Variants in PRKCA observed in about 807,000 individuals in gnomAD.
The protein encoded by PRKCA is protein kinase C alpha.
In PRKCA, 27 loss-of-function variants were observed where a neutral mutation model predicts 87.0. That is an observed-to-expected ratio of 0.31 (90% CI 0.23 to 0.43). The LOEUF is 0.43. Ranked by LOEUF, PRKCA falls within the 20% of genes least tolerant of loss-of-function variation. The pLI, the probability that PRKCA is intolerant of heterozygous loss-of-function variation, is 1.00. For synonymous variants in PRKCA, 329 were observed against 311.1 expected, an observed-to-expected ratio of 1.06 and a Z score of -0.61; for missense variants, 518 against 852.3, an observed-to-expected ratio of 0.61 and a Z score of 4.88.
intron 3 of PRKCA, among the ~76,000 whole-genome samples, chr17:66,619,066 T>TA (rs1970596554): frequency 6.6e-6 from 1 of 151,446 alleles, no homozygotes; most frequent in African/African-American, 2.4e-5. Flanking sequence ...TTATAGATTT[T>TA]AAAAAATCTC....
At chr17:66,478,082 C>T (rs1192394832) in intron 2 of PRKCA, among the ~76,000 whole-genome samples, 1 of 152,098 alleles carries the variant, frequency 6.6e-6, no homozygotes, top group African/African-American at 2.4e-5. Context: ...ATTTTGAGTG[C>T]TTCAATGTTT....
At chr17:66,437,569 T>A (rs2143856051) in intron 2 of PRKCA, among the ~76,000 whole-genome samples, 1 of 152,066 alleles carries the variant, frequency 6.6e-6, no homozygotes, top group African/African-American at 2.4e-5. Context: ...TAGGGTGTCT[T>A]TTGGTGGGAG....
At chr17:66,529,106 C>T (rs1967450915) in intron 3 of PRKCA, among the ~76,000 whole-genome samples, 1 of 152,178 alleles carries the variant, frequency 6.6e-6, no homozygotes, top group Admixed American at 6.5e-5. Flanking sequence ...CCTTAAATAT[C>T]ATCTTTGATT....
intron 2 of PRKCA, among the ~76,000 whole-genome samples, chr17:66,448,423 T>G (rs1401439190): frequency 2.0e-5 from 3 of 152,184 alleles, no homozygotes; most frequent in Admixed American, 6.5e-5. Context: ...TGCGTTAGGC[T>G]CTTCTTGAGC....
At chr17:66,616,370 T>G (rs549983711) in intron 3 of PRKCA, among the ~76,000 whole-genome samples, 1 of 152,352 alleles carries the variant, frequency 6.6e-6, no homozygotes, top group East Asian at 1.9e-4. Flanking sequence ...GGTAGCTGAA[T>G]GTCTTTGAGC....
At chr17:66,594,551 G>C (rs1334933721) in intron 3 of PRKCA, among the ~76,000 whole-genome samples, 1 of 152,120 alleles carries the variant, frequency 6.6e-6, no homozygotes, top group Non-Finnish European at 1.5e-5. Context: ...TACTCAGCGT[G>C]TTATTGCCTG....
chr17:66,741,035 C>T (rs1974148876), intron 11 of PRKCA, among the ~76,000 whole-genome samples: 1 of 152,222 alleles, frequency 6.6e-6, no homozygotes, highest in Non-Finnish European at 1.5e-5. Flanking sequence ...GCTTCTTCGA[C>T]TTCAAAGACT....
chr17:66,395,446 G>T (rs1696639541), intron 2 of PRKCA, among the ~76,000 whole-genome samples: 2 of 152,068 alleles, frequency 1.3e-5, no homozygotes, highest in Admixed American at 6.5e-5. Flanking sequence ...TCTAAATCTG[G>T]TGTGTATTTT....
At chr17:66,537,125 G>A (rs754421382) in intron 3 of PRKCA, among the ~76,000 whole-genome samples, 55 of 152,212 alleles carry the variant, frequency 3.6e-4, no homozygotes, top group Middle Eastern at 6.8e-3. Flanking sequence ...TTTAGCATGC[G>A]TCCAGGAATT....
At chr17:66,613,724 G>T (rs1279321443) in intron 3 of PRKCA, among the ~76,000 whole-genome samples, 2 of 141,836 alleles carry the variant, frequency 1.4e-5, no homozygotes, top group African/African-American at 5.2e-5. Flanking sequence ...TTTCCTTCTT[G>T]TAAGGACACC....
In PRKCA at chr17:66,302,946, A is replaced by T; in HGVS notation, c.95A>T (p.His32Leu). 4 of 1,612,754 alleles carry T rather than the reference A, an allele frequency of 2.5e-6. No individual in the cohort carries two copies. Among genetic ancestry groups the T allele is most frequent in the Non-Finnish European group, 3.4e-6 (4 of 1,179,354 alleles). ...GGGGCGCTGAGGCAGAAGAACGTGC[A>T]CGAGGTGAAGGACCACAAATTCATC... ...RKGALRQKNV[H>L]EVKDHKFIAR... Residue 32 changes from histidine to leucine, a missense_variant, in exon 1 of 17, where the codon CAC becomes CTC. Around this residue, in one of 5 missense-constraint regions of PRKCA, gnomAD observed 25 missense variants for 72.1 expected, o/e 0.35. Transcript: ENST00000413366.
chr17:66,320,278 A>G (rs892616100), intron 2 of PRKCA, among the ~76,000 whole-genome samples: 39 of 152,062 alleles, frequency 2.6e-4, no homozygotes, highest in Admixed American at 2.5e-3. Context: ...CCTACCTCCT[A>G]TAGGATGACC....
At chr17:66,453,948 T>G (rs1039398618) in intron 2 of PRKCA, among the ~76,000 whole-genome samples, 3 of 152,254 alleles carry the variant, frequency 2.0e-5, no homozygotes, top group African/African-American at 7.2e-5. Context: ...CTAAATTAAT[T>G]TGTTTATTGA....
chr17:66,357,555 A>G (rs1293131816), intron 2 of PRKCA, among the ~76,000 whole-genome samples: 2 of 152,222 alleles, frequency 1.3e-5, no homozygotes, highest in Non-Finnish European at 2.9e-5. Flanking sequence ...GGGGCTTTGG[A>G]ATTACAACAG....
rs1976114146 is a variant in PRKCA at position 66,809,411 on chromosome 17, A to G, written c.*5374A>G. 6.6e-6 allele frequency: 1 copy of G among 152,596 alleles called. No individual in the cohort carries two copies. The highest frequency in any genetic ancestry group is 1.5e-5 in the Non-Finnish European group (1 of 68,038). The allele number at this position is 152,596 out of a possible 1,614,324, so 9.5% of individuals were successfully genotyped here. A position where few individuals can be genotyped will look rare whatever the true frequency, so the allele number is the denominator to read the frequency against. ...ATTCCAAAGACTTTTTCTTAACCTA[A>G]AGGAAGAAATTATTTGTTAATTCCA... is the stretch of plus-strand genomic sequence containing the variant. On this transcript the variant is annotated 3_prime_UTR_variant, in exon 17 of 17. Transcript: ENST00000413366.
rs371030467 is a variant in PRKCA at position 66,518,408 on chromosome 17, TTC to T, written c.288+22129_288+22130del. On this transcript the variant is annotated intron_variant, in intron 3 of 16. Transcript: ENST00000413366. ...TAAGAAACTCCTGTTTCGTAAGATATTCTCTGTCTTAACTTTTTTCAGGAAAA... is the reference window on the plus strand; with the variant it reads ...TAAGAAACTCCTGTTTCGTAAGATATTCTGTCTTAACTTTTTTCAGGAAAA... Among the ~76,000 whole-genome samples the T allele has an allele frequency of 3.0e-3, 459 of 152,360 alleles. 4 individuals are homozygous for T. The highest frequency in any genetic ancestry group is 0.011 in the African/African-American group (450 of 41,580).
At chr17:66,681,742 A>T (rs999034505) in intron 5 of PRKCA, among the ~76,000 whole-genome samples, 1 of 152,196 alleles carries the variant, frequency 6.6e-6, no homozygotes, top group Non-Finnish European at 1.5e-5. Flanking sequence ...TCCCTAAGTG[A>T]TGCTGCCCCT....
chr17:66,535,181 C>T (rs958982669), intron 3 of PRKCA, among the ~76,000 whole-genome samples: 2 of 152,220 alleles, frequency 1.3e-5, no homozygotes, highest in Admixed American at 1.3e-4. Flanking sequence ...GTAGGCAGGA[C>T]TTGAACCTGC....
chr17:66,694,122 C>T (rs1233155597), intron 8 of PRKCA, among the ~76,000 whole-genome samples: 2 of 152,146 alleles, frequency 1.3e-5, no homozygotes, highest in Non-Finnish European at 2.9e-5. Context: ...AGTCAGCTTG[C>T]ACTGATCCTT....
Sources: gnomAD v4.1 joint callset for allele counts (sites outside exome capture counted in the v4.1 genomes callset) on GRCh38, gnomAD v4.1.1 for gene constraint, gnomAD v4.1.1 regional missense constraint, MANE v1.5 for transcripts, NCBI Gene and HGNC (gene_info 2026-07-23, HGNC 2026-07-21) for gene names.